Variants in PLCH2 observed in about 807,000 individuals in gnomAD.
PLCH2 encodes the protein 1-phosphatidylinositol 4,5-bisphosphate phosphodiesterase eta-2.
PLCH2 carries 98 observed loss-of-function variants against 134.7 expected under a neutral mutation model. That is an observed-to-expected ratio of 0.73 (90% CI 0.62 to 0.86). The LOEUF (loss-of-function observed/expected upper bound fraction) is 0.86, where lower values mean the gene tolerates loss of function less well. Among genes scored for constraint, PLCH2 ranks in the 40% least tolerant of loss-of-function variants. The probability of loss-of-function intolerance (pLI) is 0.00; values close to 1 mark genes in which losing one functional copy is unlikely to be tolerated. For missense variants in PLCH2, 1,994 were observed against 1,986.6 expected (o/e 1.00, Z -0.07); for synonymous variants, 974 against 827.5 (o/e 1.18, Z -3.04).
At chr1:2,418,077 CAGG>C in the PLCH2 span, among the ~76,000 whole-genome samples, 4 of 152,236 alleles carry the variant, frequency 2.6e-5, no homozygotes, top group African/African-American at 9.6e-5. Flanking sequence ...CAGGAACCTG[CAGG>C]AGCTGTGGAG....
At chr1:2,501,223 C>G (rs1643207977) in intron 20 of PLCH2, 1 of 152,222 alleles carries the variant, frequency 6.6e-6, no homozygotes, top group East Asian at 2.0e-4. Context: ...GCCTGGGCCG[C>G]TCTGTGCACG....
Position 2,498,688 on chromosome 1 carries a change from G to A in PLCH2, c.2349+41G>A. The A allele has an allele frequency of 2.0e-6, 3 of 1,531,454 alleles. No individual in the cohort carries two copies. Among genetic ancestry groups the A allele is most frequent in the Non-Finnish European group, 2.7e-6 (3 of 1,125,790 alleles). 94.9% of individuals were successfully genotyped at this position (1,531,454 alleles called of 1,614,324 possible). ...ACACAGGCGGGAGGGGTGGGAGTTG[G>A]GGGCGGGCCGGGCATCGCGATGGGC... On this transcript the variant is annotated intron_variant, in intron 17 of 21. Transcript: ENST00000378486. This position sits in a 1 kb window ranked among gnomAD's most constrained non-coding sequence, Gnocchi z 5.4.
At chr1:2,481,574 A>G (rs964902019) in intron 4 of PLCH2, among the ~76,000 whole-genome samples, 6 of 152,166 alleles carry the variant, frequency 3.9e-5, no homozygotes, top group African/African-American at 1.4e-4. Flanking sequence ...ATCCAGCACG[A>G]GTGTGCGTGG....
At chr1:2,426,620 C>G (rs1228824713) in intron 1 of PLCH2, among the ~76,000 whole-genome samples, 1 of 152,260 alleles carries the variant, frequency 6.6e-6, no homozygotes, top group African/African-American at 2.4e-5. Context: ...CTCCCTCTGT[C>G]TCCAGAGTGC....
intron 20 of PLCH2, chr1:2,500,031 C>T: frequency 2.0e-6 from 1 of 504,532 alleles, no homozygotes; most frequent in Non-Finnish European, 3.6e-6. Flanking sequence ...GCCTTGCAGC[C>T]TCCACCCCTA....
intron 21 of PLCH2, chr1:2,503,119 G>C: frequency 1.5e-6 from 1 of 678,704 alleles, no homozygotes; most frequent in Non-Finnish European, 2.7e-6. Context: ...TGAGGCCCTG[G>C]GACTTGGGTG....
chr1:2,427,379 C>T (rs1638850742), intron 1 of PLCH2, among the ~76,000 whole-genome samples: 2 of 152,176 alleles, frequency 1.3e-5, no homozygotes, highest in Non-Finnish European at 2.9e-5. Flanking sequence ...CCCAGCTCAG[C>T]CGCCCCTGCT....
chr1:2,496,827 G>T lies in PLCH2; in HGVS notation c.1934-1G>T. Reference sequence around the variant, plus strand: ...CTGATGCCCGGTCACCGGCGCCACAGCGGCGTCCAGCTGGCAGGTGTCGTC... The same window carrying T: ...CTGATGCCCGGTCACCGGCGCCACATCGGCGTCCAGCTGGCAGGTGTCGTC... On this transcript the variant is annotated splice_acceptor_variant, in intron 14 of 21. Coordinates refer to ENST00000378486, the MANE Select transcript of PLCH2 (RefSeq NM_014638.4). LOFTEE classifies it high-confidence loss of function. The T allele has an allele frequency of 6.2e-7, 1 of 1,611,730 alleles. No individual in the cohort carries two copies. Among genetic ancestry groups the T allele is most frequent in the Non-Finnish European group, 8.5e-7 (1 of 1,178,910 alleles).
intron 8 of PLCH2, among the ~76,000 whole-genome samples, chr1:2,488,954 G>A (rs183591656): frequency 6.6e-6 from 1 of 151,960 alleles, no homozygotes; most frequent in African/African-American, 2.4e-5. Context: ...TTCTTATTGG[G>A]GAAAGCAGCT....
At chr1:2,437,641 C>T (rs867646484) in intron 2 of PLCH2, among the ~76,000 whole-genome samples, 3 of 152,220 alleles carry the variant, frequency 2.0e-5, no homozygotes, top group Admixed American at 6.5e-5. Context: ...ATAGCCAGAT[C>T]GCCTGCTCCC....
At chr1:2,497,146 C>A in intron 15 of PLCH2, 136 bp downstream of exon 15, 1 of 854,310 alleles carries the variant, frequency 1.2e-6, no homozygotes, top group Non-Finnish European at 1.8e-6. Context: ...AGCCTCCACA[C>A]CTCTGTGGCA....
At chr1:2,465,575 C>T (rs889539031), upstream of PLCH2, among the ~76,000 whole-genome samples, 4 of 152,178 alleles carry the variant, frequency 2.6e-5, no homozygotes, top group African/African-American at 7.2e-5. Flanking sequence ...ACCTGCTGCC[C>T]GCCGCCTGCC....
At position 2,476,624 on chromosome 1, in the gene PLCH2, C is replaced by A. The variant is rs1641641143; in HGVS notation, c.36C>A (p.Thr12=). ...CATGGCCCTCCCCCGACAGCCGGAC[C>A]AAGGGAACGGTGGCCTGGCTGGCGG... is the stretch of plus-strand genomic sequence containing the variant. The part of the protein sequence containing the change: ...SGPWPSPDSR[T]KGTVAWLAEV... The change falls in exon 1 of 22, where the codon ACC becomes ACA. Residue 12 remains threonine (T), a synonymous_variant. Transcript: ENST00000378486. 1.2e-6 allele frequency: 2 copies of A among 1,600,338 alleles called. No homozygotes were observed. Among genetic ancestry groups the A allele is most frequent in the Non-Finnish European group, 1.7e-6 (2 of 1,175,034 alleles).
In PLCH2 at chr1:2,494,952, C is replaced by T. The variant is rs375778307; in HGVS notation, c.1752+4C>T. 76 of 1,577,290 alleles carry T rather than the reference C, an allele frequency of 4.8e-5. No individual in the cohort carries two copies. The highest frequency in any genetic ancestry group is 3.1e-4 in the African/African-American group (23 of 74,548). On this transcript the variant is annotated splice_donor_region_variant and intron_variant, in intron 12 of 21. Coordinates refer to ENST00000378486, the MANE Select transcript of PLCH2 (RefSeq NM_014638.4). ...GGGAAGCTTCTCCAGGCGCAAGGTC[C>T]GGCGCAGCTCCCAGGCCAGGGTCCC...
At chr1:2,479,464 G>T in intron 2 of PLCH2, 1 of 408,404 alleles carries the variant, frequency 2.4e-6, no homozygotes, top group African/African-American at 2.0e-5. Context: ...GGGGGCTGCA[G>T]GTGGAGGGAG....
At chr1:2,433,939 G>A (rs532828268) in intron 2 of PLCH2, among the ~76,000 whole-genome samples, 10 of 152,306 alleles carry the variant, frequency 6.6e-5, no homozygotes, top group African/African-American at 1.4e-4. Context: ...CCTGGAGCCC[G>A]GCTTTGAGTG....
intron 2 of PLCH2, among the ~76,000 whole-genome samples, chr1:2,461,665 C>T (rs530794088): frequency 1.3e-5 from 2 of 152,192 alleles, no homozygotes; most frequent in African/African-American, 4.8e-5. Flanking sequence ...CCATGCCTCC[C>T]GCCTCTGTGG....
intron 4 of PLCH2, among the ~76,000 whole-genome samples, chr1:2,483,911 CT>C (rs1642138146): frequency 7.3e-5 from 2 of 27,548 alleles, no homozygotes; most frequent in African/African-American, 2.0e-4. Context: ...GGGGCGCTGA[CT>C]CCCGTGTGGG....
Position 2,502,342 on chromosome 1 carries a change from G to GC in PLCH2, c.2898dup (p.Gly967ArgfsTer42). 4 of 1,535,146 alleles carry GC rather than the reference G, an allele frequency of 2.6e-6. No individual in the cohort carries two copies. The highest frequency in any genetic ancestry group is 1.8e-6 in the Non-Finnish European group (2 of 1,141,908). ...CCAAGGGGGTGGCAGACGATGTGGT[G>GC]CCCCCCGGGCCCGGACCTGCTCCGG... On this transcript the variant is annotated frameshift_variant, in exon 21 of 22. Coordinates refer to ENST00000378486, the MANE Select transcript of PLCH2 (RefSeq NM_014638.4). LOFTEE classifies it high-confidence loss of function.
Sources: gnomAD v4.1 joint callset for allele counts (sites outside exome capture counted in the v4.1 genomes callset) on GRCh38, gnomAD v4.1.1 for gene constraint, Gnocchi (gnomAD v3.1) non-coding constraint, MANE v1.5 for transcripts, NCBI Gene and HGNC (gene_info 2026-07-23, HGNC 2026-07-21) for gene names.